The following NDUFS6 variants were observed in gnomAD, a reference collection of about 807,000 sequenced individuals.
NDUFS6 encodes NADH dehydrogenase [ubiquinone] iron-sulfur protein 6, mitochondrial.
A neutral mutation model predicts 13.2 loss-of-function variants in NDUFS6; 14 were observed. That is an observed-to-expected ratio of 1.06 (90% CI 0.70 to 1.66). The LOEUF is 1.66. Ranked by LOEUF, NDUFS6 falls within the 40% of genes most tolerant of loss-of-function variation. The pLI is 0.00. For synonymous variants in NDUFS6, 95 were observed against 72.3 expected, an observed-to-expected ratio of 1.31 and a Z score of -1.60; for missense variants, 206 against 170.8, an observed-to-expected ratio of 1.21 and a Z score of -1.15.
chr5:1,802,916 AT>A (rs5865385), intron 2 of NDUFS6, among the ~76,000 whole-genome samples: 75 of 147,752 alleles, frequency 5.1e-4, no homozygotes, highest in Admixed American at 1.3e-3. Flanking sequence ...AAATCAGCCT[AT>A]TTTTTTTTTT....
At chr5:1,809,443 C>T (rs1008520835) in intron 2 of NDUFS6, among the ~76,000 whole-genome samples, 3 of 152,056 alleles carry the variant, frequency 2.0e-5, no homozygotes, top group Non-Finnish European at 2.9e-5. Context: ...AACCCGGAGC[C>T]GGGCTCTGTG....
At chr5:1,807,619 C>G (rs550996618) in intron 2 of NDUFS6, among the ~76,000 whole-genome samples, 2 of 152,148 alleles carry the variant, frequency 1.3e-5, no homozygotes, top group African/African-American at 4.8e-5. Flanking sequence ...TGGGCCCACG[C>G]GGCACCTCCA....
chr5:1,803,043 A>G (rs935969678), intron 2 of NDUFS6, among the ~76,000 whole-genome samples: 1 of 152,080 alleles, frequency 6.6e-6, no homozygotes, highest in Non-Finnish European at 1.5e-5. Flanking sequence ...AGTGTCCTTC[A>G]CAGCCACCTT....
Position 1,814,064 on chromosome 5 carries a change from C to T in NDUFS6, c.187-275C>T, listed in dbSNP as rs1222176591. On this transcript the variant is annotated intron_variant, in intron 2 of 3. Transcript: ENST00000274137. This position sits in a 1 kb window ranked among gnomAD's most constrained non-coding sequence, Gnocchi z 4.9. ...AGGGCGTGGCAGAGCCCACGGGGCA[C>T]GTGTCAGCATTTGCTGGGTCCACGG... Among the ~76,000 whole-genome samples, 2 of 152,150 alleles carry T rather than the reference C, an allele frequency of 1.3e-5. No individual in the cohort carries two copies. The highest frequency in any genetic ancestry group is 1.9e-4 in the East Asian group (1 of 5,196).
Position 1,815,176 on chromosome 5 carries a change from A to G in NDUFS6, c.310-675A>G, listed in dbSNP as rs369765743. Among the ~76,000 whole-genome samples, 6 of 152,164 alleles carry G rather than the reference A, an allele frequency of 3.9e-5. No homozygotes were observed. The East Asian group carries it at 1.2e-3, about 29-fold the overall frequency. On this transcript the variant is annotated intron_variant, in intron 3 of 3. Transcript: ENST00000274137. Reference sequence around the variant, plus strand: ...AAAAAAAGAACACAGGACCGGAGAAAGAGACCGTGGGCTGAAGCTGGGATG... The same window carrying G: ...AAAAAAAGAACACAGGACCGGAGAAGGAGACCGTGGGCTGAAGCTGGGATG...
chr5:1,809,928 T>G (rs1205864010), intron 2 of NDUFS6, among the ~76,000 whole-genome samples: 4 of 152,264 alleles, frequency 2.6e-5, no homozygotes, highest in African/African-American at 7.2e-5. Flanking sequence ...TTAATGTGGC[T>G]TCATTTTCCA....
chr5:1,809,511 C>T (rs1288550947), intron 2 of NDUFS6, among the ~76,000 whole-genome samples: 2 of 152,182 alleles, frequency 1.3e-5, no homozygotes, highest in Non-Finnish European at 2.9e-5. Flanking sequence ...CACTGAGCTC[C>T]TGGAGCCAGA....
chr5:1,809,591 C>T (rs1734186254), intron 2 of NDUFS6, among the ~76,000 whole-genome samples: 1 of 152,216 alleles, frequency 6.6e-6, no homozygotes, highest in African/African-American at 2.4e-5. Context: ...GGGCATCCCG[C>T]GTCAGTCGCC....
chr5:1,807,282 G>C (rs888945757), intron 2 of NDUFS6, among the ~76,000 whole-genome samples: 5 of 151,944 alleles, frequency 3.3e-5, no homozygotes, highest in African/African-American at 1.2e-4. Context: ...TGCCGGGGGC[G>C]GGGGGTGAAT....
At chr5:1,813,606 CTT>C (rs1281503664) in intron 2 of NDUFS6, among the ~76,000 whole-genome samples, 1 of 152,130 alleles carries the variant, frequency 6.6e-6, no homozygotes, top group African/African-American at 2.4e-5. Flanking sequence ...TATGGAGACA[CTT>C]TTTTCATTCC....
At chr5:1,811,131 A>G (rs1734212315) in intron 2 of NDUFS6, among the ~76,000 whole-genome samples, 1 of 152,240 alleles carries the variant, frequency 6.6e-6, no homozygotes, top group Non-Finnish European at 1.5e-5. Context: ...CTTTATTATA[A>G]GAATCCAATA....
chr5:1,805,038 A>G (rs1466268088), intron 2 of NDUFS6, among the ~76,000 whole-genome samples: 2 of 152,214 alleles, frequency 1.3e-5, no homozygotes, highest in African/African-American at 4.8e-5. Flanking sequence ...ATACTTTAAG[A>G]AGTAAACTGG....
At chr5:1,805,602 C>T (rs1734110824) in intron 2 of NDUFS6, among the ~76,000 whole-genome samples, 1 of 152,162 alleles carries the variant, frequency 6.6e-6, no homozygotes, top group African/African-American at 2.4e-5. Context: ...GAGCAGGTGG[C>T]ACTCTGGGGC....
At chr5:1,813,896 G>A (rs1336466977) in intron 2 of NDUFS6, among the ~76,000 whole-genome samples, 3 of 152,218 alleles carry the variant, frequency 2.0e-5, no homozygotes, top group Non-Finnish European at 4.4e-5. Context: ...CTATTCCATC[G>A]GTATCATGTT....
intron 2 of NDUFS6, among the ~76,000 whole-genome samples, chr5:1,808,690 G>A (rs544043947): frequency 1.6e-4 from 25 of 152,322 alleles, no homozygotes; most frequent in African/African-American, 5.1e-4. Flanking sequence ...CATTCTCAAA[G>A]CAAGTTTGAA....
At chr5:1,804,105 G>A (rs909916912) in intron 2 of NDUFS6, among the ~76,000 whole-genome samples, 3 of 152,194 alleles carry the variant, frequency 2.0e-5, no homozygotes, top group Non-Finnish European at 4.4e-5. Context: ...GGTAGTGGCT[G>A]GACTCTACAT....
intron 2 of NDUFS6, among the ~76,000 whole-genome samples, chr5:1,807,704 G>A (rs1290270815): frequency 1.3e-5 from 2 of 152,232 alleles, no homozygotes; most frequent in Non-Finnish European, 2.9e-5. Context: ...AGCAGTGGAA[G>A]AAACTTGTGA....
intron 2 of NDUFS6, among the ~76,000 whole-genome samples, chr5:1,812,095 G>C (rs1043917855): frequency 2.6e-5 from 4 of 152,182 alleles, no homozygotes; most frequent in African/African-American, 4.8e-5. Context: ...ATAAGGAACA[G>C]AGATTTATTT....
At position 1,814,320 on chromosome 5, in the gene NDUFS6, GTCTT is replaced by G. The variant is rs1249952454; in HGVS notation, c.187-14_187-11del. ...CAAGTTTGTGTATTTGTTTACGTAA[GTCTT>G]TCTTCTTGTTCCAGGTGAATGAAAA... On this transcript the variant is annotated splice_polypyrimidine_tract_variant and intron_variant, in intron 2 of 3. Transcript: ENST00000274137. This position sits in a 1 kb window ranked among gnomAD's most constrained non-coding sequence, Gnocchi z 4.9. The G allele has an allele frequency of 4.3e-6, 7 of 1,614,068 alleles. No homozygotes were observed. Among genetic ancestry groups the G allele is most frequent in the Admixed American group, 1.7e-5 (1 of 60,006 alleles).
Sources: gnomAD v4.1 joint callset for allele counts (sites outside exome capture counted in the v4.1 genomes callset) on GRCh38, gnomAD v4.1.1 for gene constraint, Gnocchi (gnomAD v3.1) non-coding constraint, MANE v1.5 for transcripts, NCBI Gene and HGNC (gene_info 2026-07-23, HGNC 2026-07-21) for gene names.